DGKH: variants seen among roughly 807,000 people sequenced by gnomAD.
The protein encoded by DGKH is DAG kinase eta.
Under a neutral mutation model 159.3 loss-of-function variants are expected in DGKH, and 90 were observed. That is an observed-to-expected ratio of 0.57 (90% CI 0.48 to 0.67). DGKH has a LOEUF of 0.67. Ranked by LOEUF, DGKH falls within the 30% of genes least tolerant of loss-of-function variation. DGKH has a pLI of 0.00. For missense variants in DGKH, 1,181 were observed against 1,506.1 expected (o/e 0.78, Z 3.57); for synonymous variants, 536 against 553.8 (o/e 0.97, Z 0.45).
chr13:42,152,504 T>G (rs552543881), intron 3 of DGKH, among the ~76,000 whole-genome samples: 1 of 148,852 alleles, frequency 6.7e-6, no homozygotes, highest in Non-Finnish European at 1.5e-5. Context: ...CACACAAACA[T>G]ATATATATTA....
chr13:42,077,996 T>A (rs1384273198), intron 1 of DGKH, among the ~76,000 whole-genome samples: 2 of 152,218 alleles, frequency 1.3e-5, no homozygotes, highest in Non-Finnish European at 2.9e-5. Context: ...AAGATAATAG[T>A]CTTTCATAGT....
chr13:42,255,736 T>A (rs191575286), intron 30 of DGKH: 41 of 404,564 alleles, frequency 1.0e-4, no homozygotes, highest in African/African-American at 7.0e-4. Flanking sequence ...ATAAATGACA[T>A]GTGGGAAGCA....
intron 21 of DGKH, among the ~76,000 whole-genome samples, chr13:42,208,433 T>C (rs1957559344): frequency 6.6e-6 from 1 of 152,194 alleles, no homozygotes; most frequent in Non-Finnish European, 1.5e-5. Flanking sequence ...TCAAAAGTTT[T>C]GTATTAAAAT....
chr13:42,143,348 T>A (rs1445055219), intron 3 of DGKH, among the ~76,000 whole-genome samples: 1 of 151,726 alleles, frequency 6.6e-6, no homozygotes, highest in Admixed American at 6.6e-5. Context: ...GGGATATTGG[T>A]CTAAAATTCT....
At chr13:42,173,964 C>T (rs201242198) in intron 11 of DGKH, 96 bp from the exon 12 acceptor site, 71 of 604,260 alleles carry the variant, frequency 1.2e-4, no homozygotes, top group Non-Finnish European at 1.2e-4. Flanking sequence ...TGTGTGCGTG[C>T]GTGTGTGTGT....
At chr13:42,128,998 T>A (rs575936941) in intron 2 of DGKH, among the ~76,000 whole-genome samples, 1 of 152,342 alleles carries the variant, frequency 6.6e-6, no homozygotes, top group African/African-American at 2.4e-5. Context: ...TGACTAGGAT[T>A]TCCTACTTGC....
At chr13:42,151,531 G>GTATATATA (rs146776372) in intron 3 of DGKH, among the ~76,000 whole-genome samples, 1 of 98,094 alleles carries the variant, frequency 1.0e-5, no homozygotes, top group Non-Finnish European at 2.1e-5. Flanking sequence ...ATATACACGT[G>GTATATATA]TATATATATA....
At position 42,060,442 on chromosome 13, in the gene DGKH, G is replaced by C. The variant is rs527709275; in HGVS notation, c.192+11477G>C. On this transcript the variant is annotated intron_variant, in intron 1 of 29. Coordinates refer to ENST00000337343, the MANE Select transcript of DGKH (RefSeq NM_178009.5). ...TGCCTACCAGACATTTCCTGTAGGG[G>C]GTCCCCTAGCCATCTCAGTCTCCGT... is the stretch of plus-strand genomic sequence containing the variant. Among the ~76,000 whole-genome samples, 14 of 152,186 alleles carry C rather than the reference G, an allele frequency of 9.2e-5. No homozygotes were observed. The East Asian group carries it at 2.7e-3, about 29-fold the overall frequency.
intron 2 of DGKH, among the ~76,000 whole-genome samples, chr13:42,128,950 G>A (rs1955229646): frequency 6.6e-6 from 1 of 152,184 alleles, no homozygotes; most frequent in African/African-American, 2.4e-5. Context: ...GAATGAGTAT[G>A]AACAATGAGT....
At chr13:42,186,994 C>G in intron 13 of DGKH, 55 bp from the exon 14 acceptor site, 1 of 1,444,062 alleles carries the variant, frequency 6.9e-7, no homozygotes, top group Non-Finnish European at 9.7e-7. Context: ...ATTCATAAAT[C>G]AAGGCAAATT....
At chr13:42,191,932 G>A (rs776327219) in intron 16 of DGKH, among the ~76,000 whole-genome samples, 1 of 152,056 alleles carries the variant, frequency 6.6e-6, no homozygotes, top group Non-Finnish European at 1.5e-5. Context: ...ATATAAACTT[G>A]GGCAAATTTC....
At chr13:42,249,718 T>C (rs1958606981) in intron 29 of DGKH, among the ~76,000 whole-genome samples, 2 of 152,208 alleles carry the variant, frequency 1.3e-5, no homozygotes, top group South Asian at 2.1e-4. Flanking sequence ...GCCCACAGTA[T>C]TAATTTTTAA....
At chr13:42,168,350 C>G (rs1566152049) in intron 9 of DGKH, 90 bp from the exon 10 acceptor site, 1 of 1,091,318 alleles carries the variant, frequency 9.2e-7, no homozygotes, top group East Asian at 2.6e-5. Flanking sequence ...TATATTTAAT[C>G]TGAATATGAA....
chr13:42,142,674 C>G (rs898671489), intron 3 of DGKH, among the ~76,000 whole-genome samples: 1 of 152,014 alleles, frequency 6.6e-6, no homozygotes, highest in Admixed American at 6.5e-5. Context: ...AATGGGAGTT[C>G]ACTCATGATT....
chr13:42,081,287 C>T (rs984650009), intron 1 of DGKH, among the ~76,000 whole-genome samples: 4 of 151,758 alleles, frequency 2.6e-5, no homozygotes, highest in African/African-American at 9.7e-5. Flanking sequence ...TGGAGTGCAG[C>T]GGCACGATGT....
At position 42,093,533 on chromosome 13, in the gene DGKH, G is replaced by A. The variant is rs116349346; in HGVS notation, c.193-33930G>A. ...AATATACTCAAAAGAATTGAAAGCAGGGTCTTAAAGTGATATTTATACATC... is the reference window on the plus strand; with the variant it reads ...AATATACTCAAAAGAATTGAAAGCAAGGTCTTAAAGTGATATTTATACATC... On this transcript the variant is annotated intron_variant, in intron 1 of 29. Coordinates refer to ENST00000337343, the MANE Select transcript of DGKH (RefSeq NM_178009.5). 9.0e-3 allele frequency among the ~76,000 whole-genome samples: 1,377 copies of A among 152,286 alleles called. 17 individuals carry two copies. The highest frequency in any genetic ancestry group is 0.03 in the African/African-American group (1,237 of 41,544).
intron 1 of DGKH, among the ~76,000 whole-genome samples, chr13:42,059,948 C>T (rs1257718285): frequency 4.2e-5 from 6 of 144,442 alleles, no homozygotes; most frequent in African/African-American, 1.3e-4. Flanking sequence ...CTCTGTCATT[C>T]AGGCTGGAGT....
At chr13:42,065,279 A>G (rs1431763437) in intron 1 of DGKH, among the ~76,000 whole-genome samples, 2 of 152,228 alleles carry the variant, frequency 1.3e-5, no homozygotes, top group African/African-American at 4.8e-5. Flanking sequence ...GTATCATCTA[A>G]GTAGACAGAG....
rs1200616099 is a variant in DGKH, at chr13:42,231,918, C to G, written c.*2730C>G. 1 of 152,104 alleles carries G rather than the reference C, an allele frequency of 6.6e-6. No homozygotes were observed. The highest frequency in any genetic ancestry group is 1.5e-5 in the Non-Finnish European group (1 of 68,018). The allele number at this position is 152,104 out of a possible 1,614,324, so 9.4% of individuals were successfully genotyped here. A position where few individuals can be genotyped will look rare whatever the true frequency, so the allele number is the denominator to read the frequency against. On this transcript the variant is annotated 3_prime_UTR_variant, in exon 30 of 30. Transcript: ENST00000337343. ...GGATGAGGGAAATTCTATAAAATGA[C>G]AATTTGGATATACTTTTTGTTAAAT...
Sources: allele counts gnomAD v4.1 joint callset (sites outside exome capture counted in the v4.1 genomes callset), GRCh38; gene constraint gnomAD v4.1.1; transcripts MANE v1.5; gene names NCBI Gene and HGNC (gene_info 2026-07-23, HGNC 2026-07-21).